The following PTPRD variants were observed in gnomAD, a reference collection of about 807,000 sequenced individuals.
PTPRD encodes protein tyrosine phosphatase receptor type D.
PTPRD carries 34 observed loss-of-function variants against 214.5 expected under a neutral mutation model. That is an observed-to-expected ratio of 0.16 (90% CI 0.12 to 0.21). PTPRD has a LOEUF of 0.21. PTPRD is among the 10% of genes least tolerant of loss of function. The probability of loss-of-function intolerance (pLI) is 1.00; values close to 1 mark genes in which losing one functional copy is unlikely to be tolerated. For missense variants in PTPRD, 2,545 were observed against 2,398.7 expected (o/e 1.06, Z -1.27); for synonymous variants, 1,128 against 845.7 (o/e 1.33, Z -5.79).
intron 7 of PTPRD, among the ~76,000 whole-genome samples, chr9:9,640,505 C>G (rs1012984071): frequency 1.3e-4 from 20 of 152,160 alleles, no homozygotes; most frequent in African/African-American, 4.8e-4. Flanking sequence ...CTATTTCATT[C>G]AAGACAGGTT....
intron 7 of PTPRD, among the ~76,000 whole-genome samples, chr9:9,650,396 C>A (rs1358654007): frequency 6.6e-6 from 1 of 152,106 alleles, no homozygotes; most frequent in Non-Finnish European, 1.5e-5. Context: ...TATGTTGAAC[C>A]AACCTTGTTT....
At chr9:10,467,597 A>T (rs1205277676) in intron 2 of PTPRD, among the ~76,000 whole-genome samples, 3 of 152,200 alleles carry the variant, frequency 2.0e-5, no homozygotes, top group African/African-American at 7.2e-5. Context: ...TACATGTGTG[A>T]TAGTTGTGAT....
At chr9:8,416,210 T>C (rs927916084) in intron 35 of PTPRD, among the ~76,000 whole-genome samples, 6 of 152,154 alleles carry the variant, frequency 3.9e-5, no homozygotes, top group Non-Finnish European at 8.8e-5. Flanking sequence ...TCTAGTGACG[T>C]GGAAAGATAA....
At chr9:10,089,807 G>A (rs1452961141) in intron 3 of PTPRD, among the ~76,000 whole-genome samples, 7 of 151,524 alleles carry the variant, frequency 4.6e-5, no homozygotes, top group Admixed American at 1.3e-4. Flanking sequence ...GACGGGCATC[G>A]GGGCAACCAG....
At chr9:9,329,799 T>C (rs2041617239) in intron 9 of PTPRD, among the ~76,000 whole-genome samples, 1 of 152,244 alleles carries the variant, frequency 6.6e-6, no homozygotes, top group African/African-American at 2.4e-5. Flanking sequence ...CTTGCATTAA[T>C]GCAAATGGGT....
At chr9:9,144,843 C>T (rs770049334) in intron 10 of PTPRD, among the ~76,000 whole-genome samples, 24 of 151,922 alleles carry the variant, frequency 1.6e-4, no homozygotes, top group Non-Finnish European at 2.5e-4. Context: ...TTTGGCATAC[C>T]GCAAAAGCAA....
intron 11 of PTPRD, among the ~76,000 whole-genome samples, chr9:8,779,771 C>G (rs569550630): frequency 3.3e-5 from 5 of 151,018 alleles, no homozygotes; most frequent in African/African-American, 1.2e-4. Flanking sequence ...CAGCAGGGCC[C>G]AAGAAGGCAT....
chr9:8,682,721 G>A (rs1435071209), intron 12 of PTPRD, among the ~76,000 whole-genome samples: 1 of 152,138 alleles, frequency 6.6e-6, no homozygotes, highest in Non-Finnish European at 1.5e-5. Flanking sequence ...TGAAATGGGG[G>A]AGGTCTGAGT....
intron 3 of PTPRD, among the ~76,000 whole-genome samples, chr9:10,110,928 G>C (rs1283518909): frequency 6.6e-6 from 1 of 152,160 alleles, no homozygotes; most frequent in Non-Finnish European, 1.5e-5. Flanking sequence ...AGACCCTCAT[G>C]ATCTGGACTG....
chr9:9,597,935 T>C (rs2093479265), intron 7 of PTPRD, among the ~76,000 whole-genome samples: 1 of 152,054 alleles, frequency 6.6e-6, no homozygotes, highest in Admixed American at 6.6e-5. Flanking sequence ...TCCAAACTAA[T>C]GTTTTTGTTT....
chr9:8,795,436 G>A (rs188239428), intron 11 of PTPRD, among the ~76,000 whole-genome samples: 3 of 152,162 alleles, frequency 2.0e-5, no homozygotes, highest in African/African-American at 7.2e-5. Flanking sequence ...CCAAAGTGGT[G>A]GGATTACAGG....
chr9:9,149,570 C>T (rs2154486885), intron 10 of PTPRD, among the ~76,000 whole-genome samples: 1 of 152,284 alleles, frequency 6.6e-6, no homozygotes, highest in Admixed American at 6.5e-5. Flanking sequence ...TCAGCTTCAG[C>T]AACATGTTCA....
At chr9:8,356,569 GA>G (rs1353763782) in intron 39 of PTPRD, among the ~76,000 whole-genome samples, 2 of 152,178 alleles carry the variant, frequency 1.3e-5, no homozygotes, top group Non-Finnish European at 2.9e-5. Context: ...AAAACTCAGT[GA>G]TACCCCTGTC....
Position 8,909,756 on chromosome 9 carries a change from T to C in PTPRD, c.-104+108941A>G, listed in dbSNP as rs116015145. 5.8e-3 allele frequency among the ~76,000 whole-genome samples: 848 copies of C among 146,688 alleles called. 6 individuals carry two copies. The highest frequency in any genetic ancestry group is 0.018 in the African/African-American group (696 of 39,708). Reference sequence around the variant, plus strand: ...TCAAATAAGGTGGAAGACATAGAGATAGAGATAGAGACAGAGATAGAGATA... The same window carrying C: ...TCAAATAAGGTGGAAGACATAGAGACAGAGATAGAGACAGAGATAGAGATA... On this transcript the variant is annotated intron_variant, in intron 11 of 45. Transcript: ENST00000381196.
chr9:9,307,628 G>T lies in PTPRD; in HGVS notation c.-203+89821C>A, dbSNP rs184645272. 2.9e-3 allele frequency among the ~76,000 whole-genome samples: 435 copies of T among 152,102 alleles called. 2 individuals carry two copies. The highest frequency in any genetic ancestry group is 4.4e-3 in the Non-Finnish European group (299 of 67,984). On this transcript the variant is annotated intron_variant, in intron 9 of 45. Coordinates refer to ENST00000381196, the MANE Select transcript of PTPRD (RefSeq NM_002839.4). ...CCCATTATTTCTTGACTACCCCAGT[G>T]GTCTCTCCTAGACAATTCTCTATAC...
At chr9:8,957,732 G>T (rs772708901) in intron 11 of PTPRD, among the ~76,000 whole-genome samples, 11 of 151,784 alleles carry the variant, frequency 7.2e-5, no homozygotes, top group Admixed American at 1.3e-4. Context: ...ATTTGTTAAA[G>T]GAATATAAAG....
chr9:8,369,541 C>T (rs1260846248), intron 39 of PTPRD, among the ~76,000 whole-genome samples: 3 of 151,090 alleles, frequency 2.0e-5, no homozygotes, highest in Non-Finnish European at 4.4e-5. Context: ...GTCCCTATTC[C>T]TTCCAGTTCT....
intron 5 of PTPRD, among the ~76,000 whole-genome samples, chr9:9,889,031 C>T (rs1327127341): frequency 1.3e-5 from 2 of 152,046 alleles, no homozygotes; most frequent in East Asian, 3.9e-4. Context: ...AAGACAAACA[C>T]TGCATGATCT....
chr9:8,566,100 A>ATATGTGTGTG (rs1554806757), intron 14 of PTPRD, among the ~76,000 whole-genome samples: 1 of 137,814 alleles, frequency 7.3e-6, no homozygotes, highest in South Asian at 2.4e-4. Context: ...AATGCAAAAT[A>ATATGTGTGTG]TGTGTGTGTG....
Sources: allele counts gnomAD v4.1 joint callset (sites outside exome capture counted in the v4.1 genomes callset), GRCh38; gene constraint gnomAD v4.1.1; transcripts MANE v1.5; gene names NCBI Gene and HGNC (gene_info 2026-07-23, HGNC 2026-07-21).